NAV2: variants seen among roughly 807,000 people sequenced by gnomAD.
NAV2 encodes helicase, APC down-regulated 1.
A neutral mutation model predicts 223.2 loss-of-function variants in NAV2; 54 were observed. That is an observed-to-expected ratio of 0.24 (90% CI 0.19 to 0.30). The LOEUF is 0.30. NAV2 is among the 10% of genes least tolerant of loss of function. NAV2 has a pLI of 1.00. For synonymous variants in NAV2, 1,279 were observed against 1,239.3 expected (o/e 1.03, Z -0.67); for missense variants, 2,806 against 3,147.5 (o/e 0.89, Z 2.60).
chr11:19,407,119 G>C (rs983960947), intron 1 of NAV2, among the ~76,000 whole-genome samples: 3 of 152,180 alleles, frequency 2.0e-5, no homozygotes, highest in African/African-American at 7.2e-5. Flanking sequence ...TAGGACAGCT[G>C]CCTCCTGCCA....
chr11:19,948,852 C>G lies in NAV2; in HGVS notation c.2417C>G (p.Pro806Arg). The G allele has an allele frequency of 6.2e-7, 1 of 1,614,100 alleles. No homozygotes were observed. Among genetic ancestry groups the G allele is most frequent in the Non-Finnish European group, 8.5e-7 (1 of 1,180,036 alleles). ...DAPSMGNGYPPRANASRFINT... is the reference protein window; with the variant it reads ...DAPSMGNGYPRRANASRFINT... Reference sequence around the variant, plus strand: ...CCCTCAATGGGCAATGGGTATCCCCCTCGAGCCAACGCCAGCAGGTTCATC... The same window carrying G: ...CCCTCAATGGGCAATGGGTATCCCCGTCGAGCCAACGCCAGCAGGTTCATC... The change falls in exon 10 of 38, where the codon CCT becomes CGT. Residue 806 changes from proline (P) to arginine (R), a missense_variant. Pro to Arg is a moderately radical substitution (Grantham distance 103, BLOSUM62 -2). Coordinates refer to ENST00000349880, the MANE Select transcript of NAV2 (RefSeq NM_145117.5).
At chr11:19,954,821 G>A (rs2047694790) in intron 10 of NAV2, among the ~76,000 whole-genome samples, 1 of 151,638 alleles carries the variant, frequency 6.6e-6, no homozygotes, top group African/African-American at 2.4e-5. Context: ...ATCAGAATTG[G>A]TTTATTAGTG....
intron 1 of NAV2, among the ~76,000 whole-genome samples, chr11:19,387,505 T>A (rs749610761): frequency 6.6e-6 from 1 of 152,058 alleles, no homozygotes; most frequent in Non-Finnish European, 1.5e-5. Flanking sequence ...CCAGGGGACA[T>A]TTTCTTCCCC....
At chr11:19,551,258 T>C (rs1235868696) in intron 1 of NAV2, among the ~76,000 whole-genome samples, 1 of 152,266 alleles carries the variant, frequency 6.6e-6, no homozygotes, top group African/African-American at 2.4e-5. Flanking sequence ...GGCTCACTTG[T>C]CATTGAGATC....
Position 20,048,693 on chromosome 11 carries a change from G to C in NAV2, c.3903-35G>C. ...ACAGTCCGGTGCCCCTTGGCACTGG[G>C]TGTTCAACCTACACAACCCTTTGTC... On this transcript the variant is annotated intron_variant, in intron 14 of 37. Coordinates refer to ENST00000349880, the MANE Select transcript of NAV2 (RefSeq NM_145117.5). 4.4e-6 allele frequency: 7 copies of C among 1,580,744 alleles called. No individual in the cohort carries two copies. In the African/African-American group the frequency reaches 5.4e-5, roughly 12 times the overall value.
intron 24 of NAV2, among the ~76,000 whole-genome samples, chr11:20,079,742 A>G (rs1348875933): frequency 2.0e-5 from 3 of 152,200 alleles, no homozygotes; most frequent in African/African-American, 7.2e-5. Context: ...CTAGCAATGA[A>G]GGTGCCAACT....
At chr11:20,103,802 C>G in intron 34 of NAV2, 78 bp downstream of exon 34, 1 of 1,267,870 alleles carries the variant, frequency 7.9e-7, no homozygotes, top group Non-Finnish European at 1.2e-6. Context: ...GTAGAGATGC[C>G]TGTGTTGAGT....
chr11:19,407,404 G>A (rs150004701), intron 1 of NAV2, among the ~76,000 whole-genome samples: 1 of 152,298 alleles, frequency 6.6e-6, no homozygotes, highest in African/African-American at 2.4e-5. Context: ...GAGACACAAA[G>A]GATGACATGT....
At chr11:20,070,306 A>G (rs1016052571) in intron 22 of NAV2, among the ~76,000 whole-genome samples, 1 of 152,202 alleles carries the variant, frequency 6.6e-6, no homozygotes, top group Non-Finnish European at 1.5e-5. Context: ...AACCCCTGTC[A>G]AACCACAGTG....
intron 1 of NAV2, among the ~76,000 whole-genome samples, chr11:19,599,240 T>C (rs770072175): frequency 1.4e-4 from 22 of 152,236 alleles, no homozygotes; most frequent in Non-Finnish European, 2.4e-4. Context: ...TTTCTCACCA[T>C]GTTCTTTGGT....
chr11:19,822,465 C>T (rs2059432088), intron 1 of NAV2, among the ~76,000 whole-genome samples: 1 of 152,206 alleles, frequency 6.6e-6, no homozygotes, highest in African/African-American at 2.4e-5. Flanking sequence ...CTCTAAGCTA[C>T]TTAACTTGAT....
At chr11:19,707,388 CTA>C (rs1414363892) in intron 1 of NAV2, among the ~76,000 whole-genome samples, 1 of 152,028 alleles carries the variant, frequency 6.6e-6, no homozygotes, top group East Asian at 1.9e-4. Context: ...AAGCTTTTTT[CTA>C]TTAGTTATTT....
intron 1 of NAV2, among the ~76,000 whole-genome samples, chr11:19,471,918 TCA>T (rs1738868989): frequency 6.6e-6 from 1 of 152,278 alleles, no homozygotes; most frequent in South Asian, 2.1e-4. Context: ...TCACTGAATA[TCA>T]CAGTTAGGCC....
intron 1 of NAV2, among the ~76,000 whole-genome samples, chr11:19,599,339 C>T (rs1354085711): frequency 6.6e-6 from 1 of 152,134 alleles, no homozygotes; most frequent in Non-Finnish European, 1.5e-5. Flanking sequence ...TCATGTTTTC[C>T]TTCTTACCTC....
chr11:19,411,170 A>C (rs910190185), intron 1 of NAV2, among the ~76,000 whole-genome samples: 3 of 152,092 alleles, frequency 2.0e-5, no homozygotes, highest in Non-Finnish European at 2.9e-5. Flanking sequence ...AGTCCTGAGA[A>C]TCTGCCGCAA....
At chr11:19,649,383 T>C (rs1487602418) in intron 1 of NAV2, among the ~76,000 whole-genome samples, 1 of 152,228 alleles carries the variant, frequency 6.6e-6, no homozygotes, top group Non-Finnish European at 1.5e-5. Context: ...ACTGTCCTGG[T>C]CCACTCAGCC....
In NAV2 at chr11:19,647,409, C is replaced by A. The variant is rs1467980631; in HGVS notation, c.76-185075C>A. ...CCAAGCCTGGAAATTCATAAGTCCA[C>A]TTGCAACACAAAATGAGCATCTGCT... On this transcript the variant is annotated intron_variant, in intron 1 of 37. Transcript: ENST00000360655. 3.3e-5 allele frequency among the ~76,000 whole-genome samples: 5 copies of A among 152,120 alleles called. No individual in the cohort carries two copies. In the East Asian group the frequency reaches 9.6e-4, roughly 29 times the overall value.
chr11:19,883,984 T>C (rs1230775382), intron 5 of NAV2, among the ~76,000 whole-genome samples: 3 of 152,216 alleles, frequency 2.0e-5, no homozygotes, highest in African/African-American at 7.2e-5. Context: ...TGTTTACTTG[T>C]GAGGGACCCC....
chr11:19,614,254 G>C (rs1257532108), intron 1 of NAV2, among the ~76,000 whole-genome samples: 6 of 152,146 alleles, frequency 3.9e-5, no homozygotes, highest in Admixed American at 2.6e-4. Flanking sequence ...GCTGGGTCCT[G>C]CTGGCTGTGT....
Sources: allele counts gnomAD v4.1 joint callset (sites outside exome capture counted in the v4.1 genomes callset), GRCh38; gene constraint gnomAD v4.1.1; transcripts MANE v1.5; gene names NCBI Gene and HGNC (gene_info 2026-07-23, HGNC 2026-07-21).